The following B3GLCT variants were observed in gnomAD, a reference collection of about 807,000 sequenced individuals.
The protein encoded by B3GLCT is beta 3-glucosyltransferase, also known as beta-1,3-glucosyltransferase.
B3GLCT carries 65 observed loss-of-function variants against 63.4 expected under a neutral mutation model. The observed-to-expected ratio is 1.03, with a 90% CI of 0.84 to 1.26. B3GLCT has a LOEUF of 1.26. Among genes scored for constraint, B3GLCT ranks in the 50% most tolerant of loss-of-function variants. The pLI is 0.00. For synonymous variants in B3GLCT, 233 were observed against 219.2 expected, an observed-to-expected ratio of 1.06 and a Z score of -0.55; for missense variants, 577 against 604.8, an observed-to-expected ratio of 0.95 and a Z score of 0.48.
At position 31,284,686 on chromosome 13, in the gene B3GLCT, C is replaced by T; in HGVS notation, c.889C>T (p.Leu297Phe). 6.2e-7 allele frequency: 1 copy of T among 1,611,552 alleles called. No individual in the cohort carries two copies. The highest frequency in any genetic ancestry group is 8.5e-7 in the Non-Finnish European group (1 of 1,177,720). Reference sequence around the variant, plus strand: ...GCAGACTTGGGAGAGCCAGGCAAGTCTCATTGAATACTATAGTGACTATAC... The same window carrying T: ...GCAGACTTGGGAGAGCCAGGCAAGTTTCATTGAATACTATAGTGACTATAC... ...VKQTWESQAS[L>F]IEYYSDYTEN... Residue 297 changes from leucine to phenylalanine, a missense_variant, in exon 11 of 15, where the codon CTC (leucine) becomes TTC (phenylalanine). Coordinates refer to ENST00000343307, the MANE Select transcript of B3GLCT (RefSeq NM_194318.4).
chr13:31,246,934 T>C lies in B3GLCT; in HGVS notation c.271-89T>C, dbSNP rs545131155. ...GCCAAGCCTTTTCTTTTTTTCTTTT[T>C]TCTTTTCTTTTCTTTTCTTTTTTTT... On this transcript the variant is annotated intron_variant, in intron 4 of 14. Transcript: ENST00000343307. The C allele has an allele frequency of 8.1e-5, 79 of 977,572 alleles. 1 individual carries two copies. In the South Asian group the frequency reaches 1.2e-3, roughly 15 times the overall value. The allele number at this position is 977,572 out of a possible 1,614,324, so 60.6% of individuals were successfully genotyped here. A position where few individuals can be genotyped will look rare whatever the true frequency, so the allele number is the denominator to read the frequency against.
At chr13:31,256,178 A>G (rs758225760) in intron 6 of B3GLCT, among the ~76,000 whole-genome samples, 49 of 152,266 alleles carry the variant, frequency 3.2e-4, no homozygotes, top group Non-Finnish European at 5.6e-4. Flanking sequence ...ACATATGAAA[A>G]AAAAGTTCAT....
chr13:31,316,430 T>TATATATATATATATATATATATATAA (rs1298458509), intron 12 of B3GLCT, among the ~76,000 whole-genome samples: 2 of 118,192 alleles, frequency 1.7e-5, no homozygotes, highest in Non-Finnish European at 3.5e-5. Context: ...TATATATATA[T>TATATATATATATATATATATATATAA]AAATTTTTTT....
rs141759228 is a variant in B3GLCT at position 31,317,608 on chromosome 13, C to G, written c.1107C>G (p.Gly369=). 1 of 1,614,020 alleles carries G rather than the reference C, an allele frequency of 6.2e-7. No homozygotes were observed. Among genetic ancestry groups the G allele is most frequent in the East Asian group, 2.2e-5 (1 of 44,854 alleles). ...ACTTGCTTAGCTGTTATGACTCCGG[C>G]GAGCCTGTGTTTCTGGGAGAGCGCT... The part of the protein sequence containing the change: ...LQHLLSCYDS[G]EPVFLGERYG... Residue 369 remains glycine, a synonymous_variant, in exon 13 of 15, where the codon GGC becomes GGG. Transcript: ENST00000343307.
chr13:31,310,602 G>A (rs1390588507), intron 12 of B3GLCT, among the ~76,000 whole-genome samples: 1 of 152,200 alleles, frequency 6.6e-6, no homozygotes, highest in African/African-American at 2.4e-5. Context: ...CGGTGGGGCT[G>A]GGCCAGCCCA....
chr13:31,225,046 G>A (rs1375688956), intron 3 of B3GLCT, among the ~76,000 whole-genome samples: 1 of 152,162 alleles, frequency 6.6e-6, no homozygotes, highest in African/African-American at 2.4e-5. Flanking sequence ...AGCACTGTCT[G>A]CCACTCACCA....
intron 10 of B3GLCT, among the ~76,000 whole-genome samples, chr13:31,279,376 C>G (rs890121134): frequency 2.6e-5 from 4 of 151,748 alleles, no homozygotes; most frequent in African/African-American, 7.3e-5. Flanking sequence ...TTCTATTTTC[C>G]CTAAGTGTTG....
intron 10 of B3GLCT, among the ~76,000 whole-genome samples, chr13:31,283,975 G>A (rs1445620461): frequency 1.3e-5 from 2 of 152,220 alleles, no homozygotes; most frequent in Non-Finnish European, 2.9e-5. Flanking sequence ...ATATCAAGTA[G>A]TGGTAAGTCT....
At chr13:31,215,879 C>T (rs1488882925) in intron 2 of B3GLCT, among the ~76,000 whole-genome samples, 1 of 152,142 alleles carries the variant, frequency 6.6e-6, no homozygotes, top group Non-Finnish European at 1.5e-5. Flanking sequence ...GACTATGCTA[C>T]CAGAGAGTCA....
Position 31,212,387 on chromosome 13 carries a change from G to T in B3GLCT, c.71-2664G>T, listed in dbSNP as rs547663387. On this transcript the variant is annotated intron_variant, in intron 1 of 14. Coordinates refer to ENST00000343307, the MANE Select transcript of B3GLCT (RefSeq NM_194318.4). ...TCTCCTGGGTTCAAGCGATTCTCCT[G>T]CCTCAGCCTCCCGAGTAGCTGGGAC... 5.3e-5 allele frequency among the ~76,000 whole-genome samples: 8 copies of T among 149,904 alleles called. No individual in the cohort carries two copies. In the South Asian group the frequency reaches 1.5e-3, roughly 28 times the overall value.
At chr13:31,236,239 T>C (rs117095041) in intron 4 of B3GLCT, among the ~76,000 whole-genome samples, 1,716 of 152,372 alleles carry the variant, frequency 0.011, 13 homozygotes, top group Non-Finnish European at 0.018. Flanking sequence ...GTCCTTAGCT[T>C]TTGAAGCTTA....
At chr13:31,294,377 T>C (rs1873829251) in intron 12 of B3GLCT, among the ~76,000 whole-genome samples, 1 of 152,254 alleles carries the variant, frequency 6.6e-6, no homozygotes, top group Admixed American at 6.5e-5. Context: ...GTTGGGGAAG[T>C]TCTCTTGGAT....
chr13:31,235,655 G>A (rs995681010), intron 4 of B3GLCT, among the ~76,000 whole-genome samples: 4 of 152,142 alleles, frequency 2.6e-5, no homozygotes, highest in African/African-American at 9.7e-5. Flanking sequence ...CTTCGTTGTT[G>A]CTGGCACCAC....
At chr13:31,291,863 T>C (rs982130314) in intron 12 of B3GLCT, among the ~76,000 whole-genome samples, 1 of 152,046 alleles carries the variant, frequency 6.6e-6, no homozygotes, top group African/African-American at 2.4e-5. Context: ...TGAATAGGAG[T>C]GGTGAGAGAG....
chr13:31,282,406 G>A (rs767402896), intron 10 of B3GLCT, among the ~76,000 whole-genome samples: 4 of 152,084 alleles, frequency 2.6e-5, no homozygotes, highest in African/African-American at 4.8e-5. Flanking sequence ...TTGGGAGGCC[G>A]AGGCGGGCGG....
chr13:31,223,287 G>A (rs544431911), intron 3 of B3GLCT, among the ~76,000 whole-genome samples: 2 of 152,176 alleles, frequency 1.3e-5, no homozygotes, highest in South Asian at 2.1e-4. Context: ...TGCCTGGTGG[G>A]CTCTCTGGGG....
At chr13:31,264,590 A>G (rs535326585) in intron 7 of B3GLCT, among the ~76,000 whole-genome samples, 77 of 152,318 alleles carry the variant, frequency 5.1e-4, no homozygotes, top group African/African-American at 1.7e-3. Context: ...AATCAAGCAA[A>G]TGATATAACC....
At chr13:31,275,288 G>A (rs2137858969) in intron 9 of B3GLCT, among the ~76,000 whole-genome samples, 1 of 152,318 alleles carries the variant, frequency 6.6e-6, no homozygotes, top group African/African-American at 2.4e-5. Context: ...TGAGAAGAGA[G>A]AGGCACAGAG....
intron 8 of B3GLCT, among the ~76,000 whole-genome samples, chr13:31,271,493 T>A (rs1454899285): frequency 2.0e-5 from 3 of 152,164 alleles, no homozygotes; most frequent in African/African-American, 7.2e-5. Context: ...CTTTTAAACT[T>A]TTTTTTGACT....
Sources: allele counts gnomAD v4.1 joint callset (sites outside exome capture counted in the v4.1 genomes callset), GRCh38; gene constraint gnomAD v4.1.1; transcripts MANE v1.5; gene names NCBI Gene and HGNC (gene_info 2026-07-23, HGNC 2026-07-21).